Variants in STXBP4 observed in about 807,000 individuals in gnomAD.
STXBP4 encodes the protein syntaxin-binding protein 4.
In STXBP4, 55 loss-of-function variants were observed where a neutral mutation model predicts 76.1. The ratio of observed to expected loss-of-function variants is 0.72; its 90% CI spans 0.58 to 0.91. The LOEUF (loss-of-function observed/expected upper bound fraction) is 0.91. Ranked by LOEUF, STXBP4 falls within the 40% of genes least tolerant of loss-of-function variation. STXBP4 has a pLI of 0.00. For synonymous variants in STXBP4, 201 were observed against 220.2 expected (o/e 0.91, Z 0.77); for missense variants, 618 against 636.9 (o/e 0.97, Z 0.32).
intron 13 of STXBP4, among the ~76,000 whole-genome samples, chr17:55,077,589 A>G (rs1598290987): frequency 1.3e-5 from 2 of 151,900 alleles, no homozygotes; most frequent in East Asian, 3.9e-4. Context: ...CGAACAAATA[A>G]TGCTTCAGTG....
At chr17:54,982,560 T>C (rs1240255563) in intron 1 of STXBP4, among the ~76,000 whole-genome samples, 3 of 151,772 alleles carry the variant, frequency 2.0e-5, no homozygotes, top group African/African-American at 7.3e-5. Flanking sequence ...TTTCCTTCTG[T>C]GTTATTTATT....
chr17:54,997,564 A>ATATT (rs1188895853), intron 4 of STXBP4, among the ~76,000 whole-genome samples: 1 of 145,832 alleles, frequency 6.9e-6, no homozygotes, highest in East Asian at 2.0e-4. Context: ...AAATATATAT[A>ATATT]TTATATAATA....
chr17:54,980,487 T>G (rs2077535064), intron 1 of STXBP4, among the ~76,000 whole-genome samples: 1 of 152,200 alleles, frequency 6.6e-6, no homozygotes, highest in Non-Finnish European at 1.5e-5. Flanking sequence ...GAAATGAAAG[T>G]ACTCTCCACA....
At chr17:55,185,643 T>C in the STXBP4 span, among the ~76,000 whole-genome samples, 1 of 152,182 alleles carries the variant, frequency 6.6e-6, no homozygotes, top group Non-Finnish European at 1.5e-5. Flanking sequence ...AAGGTGTTCA[T>C]AGTCAAAGAC....
chr17:55,093,514 C>G (rs2079444487), intron 16 of STXBP4, among the ~76,000 whole-genome samples: 3 of 152,080 alleles, frequency 2.0e-5, no homozygotes, highest in Admixed American at 2.0e-4. Flanking sequence ...TTATTCAAAG[C>G]CAGATAATAA....
intron 16 of STXBP4, among the ~76,000 whole-genome samples, chr17:55,139,097 T>C (rs1051623023): frequency 2.0e-5 from 3 of 152,268 alleles, no homozygotes; most frequent in Admixed American, 1.3e-4. Context: ...CTGCAGTCAC[T>C]GAATAACCAT....
chr17:55,103,268 T>C (rs1447763879), intron 16 of STXBP4, among the ~76,000 whole-genome samples: 1 of 152,162 alleles, frequency 6.6e-6, no homozygotes, highest in African/African-American at 2.4e-5. Flanking sequence ...TTTTATGTCT[T>C]ATATTTAAGT....
the STXBP4 span, among the ~76,000 whole-genome samples, chr17:55,185,299 CCTTCTCCTTCTCCTT>C: frequency 8.4e-6 from 1 of 118,664 alleles, no homozygotes; most frequent in Non-Finnish European, 1.7e-5. Context: ...TTCTCCTTCT[CCTTCTCCTTCTCCTT>C]CTCCTTCTCC....
At chr17:55,018,648 G>A (rs1567721475) in intron 8 of STXBP4, among the ~76,000 whole-genome samples, 1 of 152,332 alleles carries the variant, frequency 6.6e-6, no homozygotes, top group East Asian at 1.9e-4. Flanking sequence ...AAAGGGTGGT[G>A]GGATTATCAT....
At chr17:54,999,166 T>TA (rs1313314073) in intron 4 of STXBP4, among the ~76,000 whole-genome samples, 179 bp from the exon 5 acceptor site, 3 of 152,176 alleles carry the variant, frequency 2.0e-5, no homozygotes, top group African/African-American at 7.2e-5. Flanking sequence ...TTACTCATAA[T>TA]ATATGTTACC....
rs1024321142 is a variant in STXBP4 at position 55,027,350 on chromosome 17, C to T, written c.667-3818C>T. ...TCCTATCGCCCAAGATACTAGAGTA[C>T]GTCCCTTGAGTATCATAAGGCAAGC... On this transcript the variant is annotated intron_variant, in intron 8 of 17. Coordinates refer to ENST00000376352, the MANE Select transcript of STXBP4 (RefSeq NM_178509.6). 5.3e-5 allele frequency among the ~76,000 whole-genome samples: 8 copies of T among 152,210 alleles called. No homozygotes were observed. The East Asian group carries it at 7.7e-4, about 15-fold the overall frequency.
chr17:55,001,467 C>A (rs974209580), intron 7 of STXBP4, among the ~76,000 whole-genome samples: 1 of 151,914 alleles, frequency 6.6e-6, no homozygotes, highest in Non-Finnish European at 1.5e-5. Context: ...AAGGTGCTTA[C>A]AGGATCAATA....
At chr17:55,103,773 G>T (rs1032994689) in intron 16 of STXBP4, among the ~76,000 whole-genome samples, 1 of 152,098 alleles carries the variant, frequency 6.6e-6, no homozygotes, top group Non-Finnish European at 1.5e-5. Context: ...AGCATGGAAT[G>T]TTTTTCCATT....
the STXBP4 span, among the ~76,000 whole-genome samples, chr17:55,212,243 C>T: frequency 9.7e-6 from 1 of 103,354 alleles, no homozygotes; most frequent in African/African-American, 3.9e-5. Context: ...TCCCTAGCTT[C>T]AGTTTTCTTC....
At chr17:55,210,348 G>C in the STXBP4 span, among the ~76,000 whole-genome samples, 1 of 152,128 alleles carries the variant, frequency 6.6e-6, no homozygotes, top group African/African-American at 2.4e-5. Context: ...TTCAAAGTCT[G>C]CACAACAAAG....
chr17:55,183,555 C>T, the STXBP4 span, among the ~76,000 whole-genome samples: 1 of 152,294 alleles, frequency 6.6e-6, no homozygotes, highest in African/African-American at 2.4e-5. Flanking sequence ...TGTAACTGGA[C>T]TAAATGCCTC....
At chr17:55,128,626 CTGTT>C (rs1295289916) in intron 16 of STXBP4, among the ~76,000 whole-genome samples, 5 of 151,610 alleles carry the variant, frequency 3.3e-5, no homozygotes, top group South Asian at 2.1e-4. Flanking sequence ...GTTTGTTTGT[CTGTT>C]TGTTTTGAGG....
At chr17:55,011,508 C>CTTTTTTTTTTTTTTTTTTTT (rs3080154) in intron 8 of STXBP4, among the ~76,000 whole-genome samples, 16 of 85,922 alleles carry the variant, frequency 1.9e-4, no homozygotes, top group Admixed American at 6.3e-4. Flanking sequence ...TTTTCTTTTT[C>CTTTTTTTTTTTTTTTTTTTT]TTTTTTTTTT....
chr17:55,165,017 A>G lies in STXBP4; in HGVS notation c.*5106A>G, dbSNP rs2145205760. Reference sequence around the variant, plus strand: ...GGATATACGATTGAAATTAACCAAAACTTTTTCCATTTATTTTCTTTCTCC... The same window carrying G: ...GGATATACGATTGAAATTAACCAAAGCTTTTTCCATTTATTTTCTTTCTCC... On this transcript the variant is annotated 3_prime_UTR_variant, in exon 18 of 18. Coordinates refer to ENST00000376352, the MANE Select transcript of STXBP4 (RefSeq NM_178509.6). 1 of 152,296 alleles carries G rather than the reference A, an allele frequency of 6.6e-6. No homozygotes were observed. The highest frequency in any genetic ancestry group is 2.1e-4 in the South Asian group (1 of 4,824). The allele number at this position is 152,296 out of a possible 1,614,324, so 9.4% of individuals were successfully genotyped here.
Sources: allele counts gnomAD v4.1 joint callset (sites outside exome capture counted in the v4.1 genomes callset), GRCh38; gene constraint gnomAD v4.1.1; transcripts MANE v1.5; gene names NCBI Gene and HGNC (gene_info 2026-07-23, HGNC 2026-07-21).